Variants in FER1L6 observed in about 807,000 individuals in gnomAD.
FER1L6 encodes fer-1-like protein 6.
FER1L6 carries 177 observed loss-of-function variants against 219.2 expected under a neutral mutation model. The observed-to-expected ratio is 0.81, with a 90% CI of 0.71 to 0.91. The LOEUF (loss-of-function observed/expected upper bound fraction) is 0.91, where lower values mean the gene tolerates loss of function less well. FER1L6 is among the 40% of genes least tolerant of loss of function. FER1L6 has a pLI of 0.00. For synonymous variants in FER1L6, 768 were observed against 824.3 expected, an observed-to-expected ratio of 0.93 and a Z score of 1.17; for missense variants, 2,153 against 2,259.9, an observed-to-expected ratio of 0.95 and a Z score of 0.96.
chr8:124,054,156 C>CT (rs1351955488), intron 22 of FER1L6, among the ~76,000 whole-genome samples: 1 of 152,180 alleles, frequency 6.6e-6, no homozygotes, highest in African/African-American at 2.4e-5. Context: ...CCCTGCTGGG[C>CT]TACTGGCCTT....
chr8:123,993,151 A>G (rs951599035), intron 12 of FER1L6, among the ~76,000 whole-genome samples: 2 of 152,228 alleles, frequency 1.3e-5, no homozygotes, highest in African/African-American at 4.8e-5. Context: ...GATAAGAAGA[A>G]TGTATATCCG....
chr8:123,947,926 A>T (rs1190443721), intron 1 of FER1L6, among the ~76,000 whole-genome samples: 1 of 152,182 alleles, frequency 6.6e-6, no homozygotes, highest in Non-Finnish European at 1.5e-5. Flanking sequence ...TGGAAGGCCT[A>T]CGGTGAGCAA....
At chr8:123,941,244 A>C (rs989560668) in intron 1 of FER1L6, among the ~76,000 whole-genome samples, 2 of 152,256 alleles carry the variant, frequency 1.3e-5, no homozygotes, top group African/African-American at 4.8e-5. Context: ...GGGAACCTGG[A>C]GAGCTTAGAT....
At chr8:123,970,258 A>T (rs1316505459) in intron 6 of FER1L6, among the ~76,000 whole-genome samples, 161 bp downstream of exon 6, 2 of 152,156 alleles carry the variant, frequency 1.3e-5, no homozygotes, top group African/African-American at 4.8e-5. Context: ...AATCACCAGT[A>T]TGGAGGTGTC....
At position 123,934,815 on chromosome 8, in the gene FER1L6, T is replaced by A. The variant is rs527508046; in HGVS notation, c.-7-21177T>A. On this transcript the variant is annotated intron_variant, in intron 1 of 40. Transcript: ENST00000522917. ...TTGGATCATGGGGGTGGATTTCCCC[T>A]TGATGTTCTATGATATTGAGTTCTC... is the stretch of plus-strand genomic sequence containing the variant. Among the ~76,000 whole-genome samples the A allele has an allele frequency of 1.2e-4, 18 of 151,828 alleles. 1 individual carries two copies. In the South Asian group the frequency reaches 1.9e-3, roughly 16 times the overall value.
rs768273891 is a variant in FER1L6, at chr8:123,976,052, C to A, written c.838C>A (p.Pro280Thr). 4 of 1,613,580 alleles carry A rather than the reference C, an allele frequency of 2.5e-6. No individual in the cohort carries two copies. Among genetic ancestry groups the A allele is most frequent in the Non-Finnish European group, 3.4e-6 (4 of 1,179,824 alleles). ...GGGTGACAGTAAGGACCTGGTGGAT[C>A]CCTTTGTGGAGGTCTCCTTTGCTGG... is the stretch of plus-strand genomic sequence containing the variant. Reference protein sequence around the residue: ...FVGDSKDLVDPFVEVSFAGQM... With the variant: ...FVGDSKDLVDTFVEVSFAGQM... Residue 280 changes from proline (P) to threonine (T), a missense_variant, in exon 9 of 41, where the codon CCC (proline) becomes ACC (threonine). Physicochemically the swap from Pro to Thr is conservative, Grantham distance 38 (BLOSUM62 -1). Transcript: ENST00000522917.
Position 124,070,578 on chromosome 8 carries a change from C to T in FER1L6, c.3946C>T (p.Arg1316Ter), listed in dbSNP as rs371608205. The T allele has an allele frequency of 1.3e-5, 21 of 1,589,422 alleles. No individual in the cohort carries two copies. In the African/African-American group the frequency reaches 2.2e-4, roughly 17 times the overall value. Residue 1316 changes from arginine (R) to a stop codon, truncating the protein, a stop_gained, in exon 30 of 41, where the codon CGA becomes TGA. Transcript: ENST00000522917. LOFTEE classifies it high-confidence loss of function. ...AGATGACCATGGTCTTGATGGAGAC[C>T]GAGTCATAGGAAAATTTAAGGCAGG... ...TEDDHGLDGDRVIGKFKGSFC... is the reference protein window; with the variant it reads ...TEDDHGLDGD
rs753954470 is a variant in FER1L6 at position 123,898,823 on chromosome 8, GTA to G, written c.-8+46651_-8+46652del. On this transcript the variant is annotated intron_variant, in intron 1 of 40. Transcript: ENST00000522917. ...TATATACACATATATATACATATGT[GTA>G]TATATATATATACATACATATATAC... Among the ~76,000 whole-genome samples the G allele has an allele frequency of 6.4e-3, 687 of 108,058 alleles. 3 individuals carry two copies. Among genetic ancestry groups the G allele is most frequent in the African/African-American group, 0.02 (586 of 29,656 alleles). The allele number at this position is 108,058 out of a possible 152,430, so 70.9% of individuals were successfully genotyped here.
chr8:123,885,306 C>T (rs1038763800), intron 1 of FER1L6, among the ~76,000 whole-genome samples: 1 of 152,204 alleles, frequency 6.6e-6, no homozygotes, highest in African/African-American at 2.4e-5. Context: ...GAATGGTCTA[C>T]CTGTCTTCTT....
chr8:123,962,310 G>T (rs1334764495), intron 2 of FER1L6, among the ~76,000 whole-genome samples: 1 of 152,158 alleles, frequency 6.6e-6, no homozygotes. Flanking sequence ...TCAGTGGTGG[G>T]CAAGCAGTAA....
At chr8:124,071,696 ATGGCAGAC>A in intron 31 of FER1L6, 65 bp downstream of exon 31, 1 of 1,542,082 alleles carries the variant, frequency 6.5e-7, no homozygotes, top group Non-Finnish European at 8.8e-7. Context: ...AACAAAATAT[ATGGCAGAC>A]TGGGAGGCTT....
intron 33 of FER1L6, among the ~76,000 whole-genome samples, chr8:124,090,148 G>A (rs1821967479): frequency 6.6e-6 from 1 of 152,220 alleles, no homozygotes; most frequent in South Asian, 2.1e-4. Flanking sequence ...CCAGAGGGTT[G>A]TGCCAATTTA....
intron 39 of FER1L6, 93 bp downstream of exon 39, chr8:124,103,402 C>T: frequency 2.4e-6 from 3 of 1,265,514 alleles, no homozygotes; most frequent in Non-Finnish European, 3.3e-6. Flanking sequence ...AAGTAAAATG[C>T]CTTGAAATGA....
chr8:124,012,597 T>C (rs1455512402), intron 14 of FER1L6, among the ~76,000 whole-genome samples: 5 of 152,228 alleles, frequency 3.3e-5, no homozygotes, highest in Non-Finnish European at 1.5e-5. Context: ...CTGTTATTAT[T>C]CCATTCCACA....
chr8:123,905,049 A>G (rs1010826798), intron 1 of FER1L6, among the ~76,000 whole-genome samples: 2 of 152,194 alleles, frequency 1.3e-5, no homozygotes, highest in Admixed American at 1.3e-4. Context: ...GTTTCATTTT[A>G]GCTAGGATCT....
intron 1 of FER1L6, among the ~76,000 whole-genome samples, chr8:123,918,010 T>G (rs2129809203): frequency 6.6e-6 from 1 of 152,300 alleles, no homozygotes; most frequent in East Asian, 1.9e-4. Context: ...TGGGCATCTT[T>G]TCAATTCAAC....
intron 33 of FER1L6, among the ~76,000 whole-genome samples, chr8:124,089,623 C>CTGAT (rs1821936724): frequency 6.6e-6 from 1 of 152,156 alleles, no homozygotes; most frequent in African/African-American, 2.4e-5. Flanking sequence ...CATGCTGTAT[C>CTGAT]TGATAGCTTT....
At chr8:124,118,074 TTC>T (rs1305727284) in intron 39 of FER1L6, among the ~76,000 whole-genome samples, 1 of 152,014 alleles carries the variant, frequency 6.6e-6, no homozygotes, top group Non-Finnish European at 1.5e-5. Context: ...AGATCAGAAA[TTC>T]TGTTTTTCTT....
intron 20 of FER1L6, among the ~76,000 whole-genome samples, chr8:124,042,880 C>A (rs1275445400): frequency 6.6e-6 from 1 of 152,090 alleles, no homozygotes; most frequent in Non-Finnish European, 1.5e-5. Flanking sequence ...GGATATGGGA[C>A]ATAGAAATCT....
Sources: allele counts gnomAD v4.1 joint callset (sites outside exome capture counted in the v4.1 genomes callset), GRCh38; gene constraint gnomAD v4.1.1; transcripts MANE v1.5; gene names NCBI Gene and HGNC (gene_info 2026-07-23, HGNC 2026-07-21).